The following KMT5C variants were observed in gnomAD, a reference collection of about 807,000 sequenced individuals.
KMT5C encodes histone-lysine N-methyltransferase KMT5C.
In KMT5C, 16 loss-of-function variants were observed where a neutral mutation model predicts 38.2. The ratio of observed to expected loss-of-function variants is 0.42; its 90% CI spans 0.28 to 0.64. KMT5C has a LOEUF of 0.64. Ranked by LOEUF, KMT5C falls within the 30% of genes least tolerant of loss-of-function variation. The pLI is 0.23. For missense variants in KMT5C, 598 were observed against 665.1 expected (o/e 0.90, Z 1.11); for synonymous variants, 291 against 279.0 (o/e 1.04, Z -0.43).
chr19:55,341,578 A>C, intron 1 of KMT5C: 1 of 297,946 alleles, frequency 3.4e-6, no homozygotes, highest in Non-Finnish European at 6.4e-6. Flanking sequence ...ACATATGGGC[A>C]GGGGCATCTG....
chr19:55,346,967 C>A lies in KMT5C; in HGVS notation c.907C>A (p.Pro303Thr). The part of the protein sequence containing the change: ...RRDPFCAACQ[P>T]LRLPACSARP... ...CTGGGCCTTCACAGCCGCCTGCCAG[C>A]CCCTGCGCCTGCCAGCCTGCAGCGC... Residue 303 changes from proline to threonine, a missense_variant, in exon 9 of 9, where the codon CCC becomes ACC. Pro to Thr is a conservative substitution (Grantham distance 38, BLOSUM62 -1). Transcript: ENST00000255613. 3.0e-6 allele frequency: 3 copies of A among 1,007,332 alleles called. No homozygotes were observed. The highest frequency in any genetic ancestry group is 1.3e-5 in the South Asian group (1 of 78,388). The allele number at this position is 1,007,332 out of a possible 1,614,324, so 62.4% of individuals were successfully genotyped here. A position where few individuals can be genotyped will look rare whatever the true frequency, so the allele number is the denominator to read the frequency against.
intron 1 of KMT5C, among the ~76,000 whole-genome samples, chr19:55,340,949 C>T (rs1329062426): frequency 2.0e-5 from 3 of 152,014 alleles, no homozygotes; most frequent in East Asian, 1.9e-4. Flanking sequence ...TCTTTCTCTC[C>T]CGCAGCCTCG....
chr19:55,345,572 G>A (rs965964474), intron 6 of KMT5C, among the ~76,000 whole-genome samples: 2 of 152,188 alleles, frequency 1.3e-5, no homozygotes, highest in Non-Finnish European at 2.9e-5. Flanking sequence ...GGCAGGTGGC[G>A]AGGGCTACTC....
At chr19:55,341,122 C>G (rs1055535323) in intron 1 of KMT5C, among the ~76,000 whole-genome samples, 13 of 152,328 alleles carry the variant, frequency 8.5e-5, no homozygotes, top group African/African-American at 3.1e-4. Flanking sequence ...CTTCATCTCT[C>G]CGTTCTCTCC....
rs1383332923 is a variant in KMT5C, at chr19:55,343,576, G to T, written c.387-104G>T. 8.9e-7 allele frequency: 1 copy of T among 1,126,004 alleles called. No individual in the cohort carries two copies. The highest frequency in any genetic ancestry group is 1.6e-5 in the African/African-American group (1 of 64,416). The allele number at this position is 1,126,004 out of a possible 1,614,324, so 69.8% of individuals were successfully genotyped here. A position where few individuals can be genotyped will look rare whatever the true frequency, so the allele number is the denominator to read the frequency against. ...GCCAATAGCCAGCACCAGCGCCCAG[G>T]AGTCCCTCCTTCCTGGGTGCCTCTG... On this transcript the variant is annotated intron_variant, in intron 4 of 8. Transcript: ENST00000255613. This position sits in a 1 kb window ranked among gnomAD's most constrained non-coding sequence, Gnocchi z 5.5.
intron 7 of KMT5C, 58 bp from the exon 8 acceptor site, chr19:55,346,442 C>A: frequency 6.2e-7 from 1 of 1,603,522 alleles, no homozygotes; most frequent in Non-Finnish European, 8.5e-7. Context: ...GTGTGTCCAA[C>A]CCCAGCCTCT....
rs917543950 is a variant in KMT5C, at chr19:55,347,579, A to C, written c.*130A>C. The C allele has an allele frequency of 5.7e-6, 8 of 1,394,366 alleles. No homozygotes were observed. Among genetic ancestry groups the C allele is most frequent in the Non-Finnish European group, 4.7e-6 (5 of 1,073,358 alleles). 86.4% of individuals were successfully genotyped at this position (1,394,366 alleles called of 1,614,324 possible). ...GACTCCAGCATAGCTCTGACCCTGG[A>C]ATGGGGTTGGTTTGGACACCCCCAG... On this transcript the variant is annotated 3_prime_UTR_variant, in exon 9 of 9. Transcript: ENST00000255613. The surrounding 1 kb of genome is among the most constrained non-coding windows in gnomAD (Gnocchi z 4.6).
At position 55,347,378 on chromosome 19, in the gene KMT5C, C is replaced by A; in HGVS notation, c.1318C>A (p.Pro440Thr). 1 of 1,586,540 alleles carries A rather than the reference C, an allele frequency of 6.3e-7. No individual in the cohort carries two copies. ...GGCCCTCGCCTTCGCCCCCTTCTCC[C>A]CACCCAAGCGCCTACGGCTGGTGGT... ...KQALAFAPFS[P>T]PKRLRLVVSH... The change falls in exon 9 of 9, where the codon CCA becomes ACA. Residue 440 changes from proline to threonine, a missense_variant. Around this residue, in one of 3 missense-constraint regions of KMT5C, gnomAD observed 326 missense variants for 298.1 expected, o/e 1.09. Transcript: ENST00000255613. The surrounding 1 kb of genome is among the most constrained non-coding windows in gnomAD (Gnocchi z 4.6).
At position 55,342,330 on chromosome 19, in the gene KMT5C, C is replaced by G. The variant is rs866476245; in HGVS notation, c.226C>G (p.Arg76Gly). The change falls in exon 3 of 9, where the codon CGC (arginine) becomes GGC (glycine). Residue 76 changes from arginine to glycine, a missense_variant. By Grantham distance (125) the Arg-to-Gly change is moderately radical. This residue lies in a region of KMT5C where 167 missense variants were observed against 187.8 expected (regional missense o/e 0.89). Transcript: ENST00000255613. ...RALTLGGWTARYFQSRGPRQE... is the reference protein window; with the variant it reads ...RALTLGGWTAGYFQSRGPRQE... Reference sequence around the variant, plus strand: ...CCTGACGCTGGGAGGCTGGACGGCCCGCTACTTCCAGAGCCGGGGCCCGCG... The same window carrying G: ...CCTGACGCTGGGAGGCTGGACGGCCGGCTACTTCCAGAGCCGGGGCCCGCG... The G allele has an allele frequency of 2.6e-6, 4 of 1,566,606 alleles. No homozygotes were observed. In the African/African-American group the frequency reaches 4.1e-5, roughly 16 times the overall value.
chr19:55,347,836 G>A lies in KMT5C; in HGVS notation c.*387G>A. On this transcript the variant is annotated 3_prime_UTR_variant, in exon 9 of 9. Transcript: ENST00000255613. The surrounding 1 kb of genome is among the most constrained non-coding windows in gnomAD (Gnocchi z 4.6). The stretch of plus-strand genomic sequence containing the variant: ...TCAGGAGGAGGTGGAACTGATGTAG[G>A]GGGTGGCACTCCCCAGAGACTGCCC... 4.9e-6 allele frequency: 1 copy of A among 202,848 alleles called. No homozygotes were observed. Among genetic ancestry groups the A allele is most frequent in the Admixed American group, 5.8e-5 (1 of 17,180 alleles). The allele number at this position is 202,848 out of a possible 1,614,324, so 12.6% of individuals were successfully genotyped here.
intron 6 of KMT5C, chr19:55,344,628 G>A (rs764182495): frequency 4.1e-6 from 2 of 493,700 alleles, no homozygotes; most frequent in Admixed American, 2.2e-5. Flanking sequence ...CCTGTGGTGG[G>A]AGCCCCCGGC....
At position 55,342,703 on chromosome 19, in the gene KMT5C, C is replaced by A. The variant is rs756467907; in HGVS notation, c.277-39C>A. The A allele has an allele frequency of 1.0e-5, 12 of 1,149,026 alleles. 1 individual carries two copies. The South Asian group carries it at 1.2e-4, about 12-fold the overall frequency. The allele number at this position is 1,149,026 out of a possible 1,614,324, so 71.2% of individuals were successfully genotyped here. A position where few individuals can be genotyped will look rare whatever the true frequency, so the allele number is the denominator to read the frequency against. On this transcript the variant is annotated intron_variant, in intron 3 of 8. Transcript: ENST00000255613. ...CTGGAGAGAGAGGGCCAAAGATGCC[C>A]CTGCCCCGCCTCCTCACCCCCACCC...
At position 55,341,918 on chromosome 19, in the gene KMT5C, G is replaced by C; in HGVS notation, c.-19G>C. On this transcript the variant is annotated 5_prime_UTR_variant, in exon 2 of 9. Transcript: ENST00000255613. ...CTGCTCCTGCTCTCTGCCAGAGGCAGCATGGTCCGCAGGGCACCATGGGGC... is the reference window on the plus strand; with the variant it reads ...CTGCTCCTGCTCTCTGCCAGAGGCACCATGGTCCGCAGGGCACCATGGGGC... The C allele has an allele frequency of 6.3e-7, 1 of 1,597,162 alleles. No individual in the cohort carries two copies. Among genetic ancestry groups the C allele is most frequent in the Non-Finnish European group, 8.6e-7 (1 of 1,165,298 alleles).
Position 55,343,840 on chromosome 19 carries a change from C to T in KMT5C, c.547C>T (p.His183Tyr). 6.2e-7 allele frequency: 1 copy of T among 1,613,690 alleles called. No individual in the cohort carries two copies. The highest frequency in any genetic ancestry group is 8.5e-7 in the Non-Finnish European group (1 of 1,179,852). ...GCTGGGCCCAGCCGCCTTCATCAAC[C>T]ATGGTGAGGGTCAGGCAGGTGGATG... ...LWLGPAAFIN[H>Y]DCKPNCKFVP... Residue 183 changes from histidine (H) to tyrosine (Y), a missense_variant, in exon 5 of 9, where the codon CAT (histidine) becomes TAT (tyrosine). Transcript: ENST00000255613. This position sits in a 1 kb window ranked among gnomAD's most constrained non-coding sequence, Gnocchi z 5.5.
intron 1 of KMT5C, among the ~76,000 whole-genome samples, chr19:55,340,793 A>C (rs1322296756): frequency 2.4e-4 from 22 of 90,526 alleles, no homozygotes; most frequent in African/African-American, 3.5e-4. Context: ...TCCCTTCCTC[A>C]CACCCCTCTG....
In KMT5C at chr19:55,347,957, C is replaced by T. The variant is rs142876827; in HGVS notation, c.*508C>T. ...GAGGCATGTTCCCCTCACCACCCCC[C>T]GTGGGTCTCAGGGAGGCCGGGTGTG... On this transcript the variant is annotated 3_prime_UTR_variant, in exon 9 of 9. Transcript: ENST00000255613. The surrounding 1 kb of genome is among the most constrained non-coding windows in gnomAD (Gnocchi z 4.6). 2,543 of 154,880 alleles carry T rather than the reference C, an allele frequency of 0.016. 35 individuals carry two copies. Among genetic ancestry groups the T allele is most frequent in the Non-Finnish European group, 0.023 (1,599 of 69,668 alleles). The allele number at this position is 154,880 out of a possible 1,614,324, so 9.6% of individuals were successfully genotyped here.
chr19:55,341,853 C>T lies in KMT5C; in HGVS notation c.-84C>T. ...CTTCTGAGTAGCGTGGGAGTGGAGTCAGCACCAAGCCAGGCTCCCCGCGCC... is the reference window on the plus strand; with the variant it reads ...CTTCTGAGTAGCGTGGGAGTGGAGTTAGCACCAAGCCAGGCTCCCCGCGCC... On this transcript the variant is annotated 5_prime_UTR_variant, in exon 2 of 9. Coordinates refer to ENST00000255613, the MANE Select transcript of KMT5C (RefSeq NM_032701.4). 1 of 1,025,444 alleles carries T rather than the reference C, an allele frequency of 9.8e-7. No homozygotes were observed. Among genetic ancestry groups the T allele is most frequent in the Non-Finnish European group, 1.5e-6 (1 of 655,444 alleles). 63.5% of individuals were successfully genotyped at this position (1,025,444 alleles called of 1,614,324 possible).
Position 55,346,310 on chromosome 19 carries a change from G to A in KMT5C, c.668G>A (p.Gly223Asp). ...VTCFYGEGFFGEKNEHCECHT... is the reference protein window; with the variant it reads ...VTCFYGEGFFDEKNEHCECHT... ...TGCTTCTACGGCGAGGGCTTCTTCG[G>A]CGAGAAGAATGAGCACTGTGAATGC... Residue 223 changes from glycine (G) to aspartate (D), a missense_variant, in exon 7 of 9, where the codon GGC (glycine) becomes GAC (aspartate). Around this residue, in one of 3 missense-constraint regions of KMT5C, gnomAD observed 105 missense variants for 179.2 expected, o/e 0.59. Transcript: ENST00000255613. The A allele has an allele frequency of 6.2e-7, 1 of 1,614,080 alleles. No individual in the cohort carries two copies. The highest frequency in any genetic ancestry group is 1.1e-5 in the South Asian group (1 of 91,090).
intron 1 of KMT5C, among the ~76,000 whole-genome samples, chr19:55,340,778 C>A (rs2089547606): frequency 6.6e-6 from 1 of 151,924 alleles, no homozygotes; most frequent in African/African-American, 2.4e-5. Context: ...TCCCTGGCAC[C>A]CCCATCCCTT....
Sources: allele counts gnomAD v4.1 joint callset (sites outside exome capture counted in the v4.1 genomes callset), GRCh38; gene constraint gnomAD v4.1.1; regional missense constraint gnomAD v4.1.1; non-coding constraint Gnocchi (gnomAD v3.1); transcripts MANE v1.5; gene names NCBI Gene and HGNC (gene_info 2026-07-23, HGNC 2026-07-21).